The following FSD1L variants were observed in gnomAD, a reference collection of about 807,000 sequenced individuals.
The protein encoded by FSD1L is fibronectin type III and SPRY domain containing 1 like.
In FSD1L, 45 loss-of-function variants were observed where a neutral mutation model predicts 71.6. That is an observed-to-expected ratio of 0.63 (90% confidence interval 0.49 to 0.81). FSD1L has a LOEUF of 0.81. FSD1L is among the 30% of genes least tolerant of loss of function. FSD1L has a pLI of 0.00. For missense variants in FSD1L, 561 were observed against 618.1 expected (o/e 0.91, Z 0.98); for synonymous variants, 197 against 207.2 (o/e 0.95, Z 0.42).
chr9:105,514,010 GA>G (rs1198820649), intron 10 of FSD1L, among the ~76,000 whole-genome samples: 1 of 152,140 alleles, frequency 6.6e-6, no homozygotes, highest in East Asian at 1.9e-4. Context: ...CAGCAGGTTT[GA>G]AGAGTTCTCT....
At chr9:105,543,328 G>A (rs901177713) in intron 13 of FSD1L, among the ~76,000 whole-genome samples, 9 of 152,062 alleles carry the variant, frequency 5.9e-5, no homozygotes, top group Admixed American at 5.2e-4. Context: ...TCAATGATCT[G>A]TATTTTCATA....
intron 7 of FSD1L, among the ~76,000 whole-genome samples, chr9:105,496,861 T>G (rs569100025): frequency 6.6e-6 from 1 of 152,372 alleles, no homozygotes; most frequent in Admixed American, 6.5e-5. Context: ...CTGAATACCT[T>G]GTATTGTCGT....
chr9:105,525,772 C>T (rs1007493349), intron 10 of FSD1L: 121 of 1,605,126 alleles, frequency 7.5e-5, no homozygotes, highest in Non-Finnish European at 9.4e-5. Flanking sequence ...TGTAGCTGGT[C>T]TTGGTTTGGA....
intron 4 of FSD1L, among the ~76,000 whole-genome samples, chr9:105,469,134 G>A (rs1029011938): frequency 2.6e-5 from 4 of 152,138 alleles, no homozygotes; most frequent in Non-Finnish European, 4.4e-5. Flanking sequence ...TTCCACTTAT[G>A]TATATACCAC....
chr9:105,523,806 C>G, intron 10 of FSD1L: 1 of 1,599,438 alleles, frequency 6.3e-7, no homozygotes. Flanking sequence ...TCATATTGAC[C>G]AGGATATTGT....
At chr9:105,506,731 C>T (rs1834071539) in intron 8 of FSD1L, 123 bp downstream of exon 8, 1 of 674,104 alleles carries the variant, frequency 1.5e-6, no homozygotes, top group Non-Finnish European at 2.5e-6. Flanking sequence ...TTTTTAGATA[C>T]TCAGTATGGA....
intron 7 of FSD1L, among the ~76,000 whole-genome samples, chr9:105,498,436 G>T (rs1833559479): frequency 6.6e-6 from 1 of 151,824 alleles, no homozygotes; most frequent in Admixed American, 6.6e-5. Context: ...TTGTTCCTAG[G>T]CTACAAACCT....
At chr9:105,497,885 C>A (rs574827098) in intron 7 of FSD1L, among the ~76,000 whole-genome samples, 1 of 151,988 alleles carries the variant, frequency 6.6e-6, no homozygotes, top group East Asian at 1.9e-4. Flanking sequence ...GCTCAGTTGC[C>A]CAGTCTGGAA....
At chr9:105,517,513 T>G (rs554512511) in intron 10 of FSD1L, among the ~76,000 whole-genome samples, 48 of 152,310 alleles carry the variant, frequency 3.2e-4, no homozygotes, top group African/African-American at 1.1e-3. Context: ...TATTTAACAT[T>G]CTTAAAGAAA....
Position 105,471,997 on chromosome 9 carries a change from T to G in FSD1L, c.433T>G (p.Phe145Val). ...ATTAGATATAAAGGAACCTGAAGAATTTTCAAAGGTACACAAAAACTGCAT... is the reference window on the plus strand; with the variant it reads ...ATTAGATATAAAGGAACCTGAAGAAGTTTCAAAGGTACACAAAAACTGCAT... ...RSLDIKEPEEFSKAARQIKDR... is the reference protein window; with the variant it reads ...RSLDIKEPEEVSKAARQIKDR... The change falls in exon 5 of 14, where the codon TTT (phenylalanine) becomes GTT (valine). Residue 145 changes from phenylalanine to valine, a missense_variant. Coordinates refer to ENST00000481272, the MANE Select transcript of FSD1L (RefSeq NM_001145313.3). The G allele has an allele frequency of 7.0e-7, 1 of 1,432,808 alleles. No individual in the cohort carries two copies. The highest frequency in any genetic ancestry group is 3.0e-5 in the East Asian group (1 of 33,880). The allele number at this position is 1,432,808 out of a possible 1,614,324, so 88.8% of individuals were successfully genotyped here.
rs546711921 is a variant in FSD1L, at chr9:105,508,335, G to T, written c.797-282G>T. ...TGGGACTACAGGCGCCCGCCACCACGCCTGGCTAATTTTTTGTATTTTTAG... is the reference window on the plus strand; with the variant it reads ...TGGGACTACAGGCGCCCGCCACCACTCCTGGCTAATTTTTTGTATTTTTAG... On this transcript the variant is annotated intron_variant, in intron 8 of 13. Transcript: ENST00000481272. 2.9e-3 allele frequency among the ~76,000 whole-genome samples: 433 copies of T among 151,820 alleles called. 4 individuals are homozygous for T. Among genetic ancestry groups the T allele is most frequent in the Non-Finnish European group, 4.1e-3 (281 of 67,922 alleles).
chr9:105,459,436 C>T (rs1830554694), intron 1 of FSD1L, among the ~76,000 whole-genome samples: 1 of 152,206 alleles, frequency 6.6e-6, no homozygotes, highest in South Asian at 2.1e-4. Context: ...CCCTGATAAA[C>T]TTACTATTTT....
chr9:105,457,249 A>G (rs1830415449), intron 1 of FSD1L, among the ~76,000 whole-genome samples: 1 of 152,238 alleles, frequency 6.6e-6, no homozygotes, highest in African/African-American at 2.4e-5. Flanking sequence ...AGATAAATTC[A>G]TAGCAGGCTA....
intron 10 of FSD1L, chr9:105,525,947 A>T: frequency 6.4e-7 from 1 of 1,568,494 alleles, no homozygotes; most frequent in Non-Finnish European, 8.8e-7. Flanking sequence ...AAATTGAGAC[A>T]TTTGGGAAAT....
intron 6 of FSD1L, among the ~76,000 whole-genome samples, chr9:105,483,390 T>C (rs1832336520): frequency 6.6e-6 from 1 of 152,174 alleles, no homozygotes; most frequent in African/African-American, 2.4e-5. Flanking sequence ...GCAGATACAA[T>C]TGACTAGGCC....
intron 10 of FSD1L, chr9:105,520,355 G>GA (rs1835063958): frequency 8.1e-7 from 1 of 1,240,026 alleles, no homozygotes; most frequent in Non-Finnish European, 1.2e-6. Context: ...TTTATTTAGT[G>GA]AAAAAAAGAA....
chr9:105,525,466 T>C, intron 10 of FSD1L: 2 of 1,608,798 alleles, frequency 1.2e-6, no homozygotes, highest in Non-Finnish European at 1.7e-6. Context: ...TGAGAAGCAC[T>C]TTAATGACTT....
At chr9:105,541,906 T>A (rs1836645481) in intron 13 of FSD1L, among the ~76,000 whole-genome samples, 1 of 152,240 alleles carries the variant, frequency 6.6e-6, no homozygotes, top group South Asian at 2.1e-4. Context: ...TTCGATTCCG[T>A]ACCATGCTGC....
At position 105,526,500 on chromosome 9, in the gene FSD1L, G is replaced by A. The variant is rs866822769; in HGVS notation, c.1026-7993G>A. The A allele has an allele frequency of 6.9e-5, 111 of 1,612,080 alleles. No homozygotes were observed. In the Admixed American group the frequency reaches 1.6e-3, roughly 23 times the overall value. On this transcript the variant is annotated intron_variant, in intron 10 of 13. Coordinates refer to ENST00000481272, the MANE Select transcript of FSD1L (RefSeq NM_001145313.3). ...AAAAGCCGCATGTCCATGAAGCTGC[G>A]TCGTTCCTCTGGCTCAGCCAATAAA...
Sources: gnomAD v4.1 joint callset for allele counts (sites outside exome capture counted in the v4.1 genomes callset) on GRCh38, gnomAD v4.1.1 for gene constraint, MANE v1.5 for transcripts, NCBI Gene and HGNC (gene_info 2026-07-23, HGNC 2026-07-21) for gene names.